SYNE1: variants seen among roughly 807,000 people sequenced by gnomAD.
The protein encoded by SYNE1 is nesprin-1.
In SYNE1, 616 loss-of-function variants were observed where a neutral mutation model predicts 1,111.0. The ratio of observed to expected loss-of-function variants is 0.55; its 90% CI spans 0.52 to 0.59. The LOEUF is 0.59. Among genes scored for constraint, SYNE1 ranks in the 20% least tolerant of loss-of-function variants. SYNE1 has a pLI of 0.00. For missense variants in SYNE1, 10,006 were observed against 10,417.0 expected (o/e 0.96, Z 1.72); for synonymous variants, 3,855 against 3,825.8 (o/e 1.01, Z -0.28).
At chr6:152,449,446 G>T (rs2098628772) in intron 28 of SYNE1, 87 bp downstream of exon 28, 3 of 1,037,104 alleles carry the variant, frequency 2.9e-6, no homozygotes, top group South Asian at 2.7e-5. Flanking sequence ...TTTCCAGAAA[G>T]AAAAAAGCAG....
intron 12 of SYNE1, among the ~76,000 whole-genome samples, chr6:152,486,474 T>C (rs894249611): frequency 1.3e-5 from 2 of 152,246 alleles, no homozygotes; most frequent in African/African-American, 4.8e-5. Context: ...TCTGTTTTCC[T>C]AAGCCTTTGT....
Position 152,143,769 on chromosome 6 carries a change from C to T in SYNE1, c.24977-4G>A, listed in dbSNP as rs761110774. The T allele has an allele frequency of 2.8e-5, 45 of 1,614,034 alleles. No homozygotes were observed. Among genetic ancestry groups the T allele is most frequent in the South Asian group, 3.3e-5 (3 of 91,076 alleles). Reference sequence around the variant, plus strand: ...GACTCTAGGGCACTGTGGTCCCCTGCGGTGGCAACCATAAGAATCTTTACT... The same window carrying T: ...GACTCTAGGGCACTGTGGTCCCCTGTGGTGGCAACCATAAGAATCTTTACT... On this transcript the variant is annotated splice_polypyrimidine_tract_variant and splice_region_variant and intron_variant, in intron 137 of 145. Transcript: ENST00000367255.
In SYNE1 at chr6:152,236,295, T is replaced by G. The variant is rs1020385567; in HGVS notation, c.20208A>C (p.Lys6736Asn). The part of the protein sequence containing the change: ...IDRITLYQHL[K>N]SSLNEYQPKL... ...TGGGCTGGTATTCATTAAGGCTAGA[T>G]TTTAAATGCTAAAATATTGAAATTA... The change falls in exon 110 of 146, where the codon AAA becomes AAC. Residue 6736 changes from lysine (K) to asparagine (N), a missense_variant. By Grantham distance (94) the Lys-to-Asn change is moderately conservative (BLOSUM62 0). Around this residue, in one of 7 missense-constraint regions of SYNE1, gnomAD observed 2,182 missense variants for 2,287.8 expected, o/e 0.95. Transcript: ENST00000367255. The G allele has an allele frequency of 6.8e-6, 11 of 1,610,636 alleles. No homozygotes were observed. In the African/African-American group the frequency reaches 1.5e-4, roughly 22 times the overall value.
intron 95 of SYNE1, among the ~76,000 whole-genome samples, chr6:152,284,532 C>T (rs1186476239): frequency 2.0e-5 from 3 of 151,220 alleles, no homozygotes; most frequent in Admixed American, 6.6e-5. Context: ...GATCACAGCT[C>T]ACTGTAATCT....
At position 152,628,291 on chromosome 6, in the gene SYNE1, A is replaced by T. The variant is rs202235488; in HGVS notation, c.41T>A (p.Ile14Asn). Residue 14 changes from isoleucine (I) to asparagine (N), a missense_variant, in exon 3 of 146, where the codon ATC becomes AAC. By Grantham distance (149) the Ile-to-Asn change is moderately radical. Around this residue, in one of 7 missense-constraint regions of SYNE1, gnomAD observed 1,971 missense variants for 2,084.1 expected, o/e 0.95. Transcript: ENST00000367255. ...TTGCAGCCTCTGCATCACATTGGCGATATCCCGAGGACACCGGGAGGCCCC... is the reference window on the plus strand; with the variant it reads ...TTGCAGCCTCTGCATCACATTGGCGTTATCCCGAGGACACCGGGAGGCCCC... The part of the protein sequence containing the change: ...SRGASRCPRD[I>N]ANVMQRLQDE... 31 of 1,614,074 alleles carry T rather than the reference A, an allele frequency of 1.9e-5. No homozygotes were observed. Among genetic ancestry groups the T allele is most frequent in the Non-Finnish European group, 6.8e-6 (8 of 1,180,054 alleles).
intron 82 of SYNE1, among the ~76,000 whole-genome samples, chr6:152,322,593 C>G (rs184551461): frequency 1.3e-5 from 2 of 152,310 alleles, no homozygotes; most frequent in East Asian, 3.9e-4. Context: ...ATCCCTGTCA[C>G]CCCAGATGGC....
chr6:152,263,028 AG>A (rs2092243714), intron 100 of SYNE1, among the ~76,000 whole-genome samples: 1 of 151,542 alleles, frequency 6.6e-6, no homozygotes, highest in Non-Finnish European at 1.5e-5. Context: ...AAGATAGTAC[AG>A]GGCCTGGGAA....
chr6:152,260,571 G>A (rs1334801218), intron 101 of SYNE1, among the ~76,000 whole-genome samples: 1 of 152,060 alleles, frequency 6.6e-6, no homozygotes, highest in Admixed American at 6.6e-5. Flanking sequence ...ACAAAAGCAT[G>A]TGCTTTTATA....
At position 152,409,127 on chromosome 6, in the gene SYNE1, T is replaced by C; in HGVS notation, c.6481A>G (p.Ser2161Gly). Residue 2161 changes from serine to glycine, a missense_variant, in exon 44 of 146, where the codon AGT becomes GGT. Ser to Gly is a moderately conservative substitution (Grantham distance 56, BLOSUM62 0). Transcript: ENST00000367255. ...HLLSELKKIH[S>G]SDFSLVKTDM... ...GTTTTCACCAAGCTGAAATCACTAC[T>C]GTGAATTTTCTTCAGCTCAGATAAC... 2.5e-6 allele frequency: 4 copies of C among 1,614,186 alleles called. No homozygotes were observed. Among genetic ancestry groups the C allele is most frequent in the East Asian group, 2.2e-5 (1 of 44,884 alleles).
intron 3 of SYNE1, among the ~76,000 whole-genome samples, chr6:152,621,006 G>A (rs995477369): frequency 1.3e-5 from 2 of 152,186 alleles, no homozygotes; most frequent in African/African-American, 4.8e-5. Flanking sequence ...GGAAGGAGAG[G>A]AAATTTCTGA....
intron 11 of SYNE1, among the ~76,000 whole-genome samples, chr6:152,491,473 T>G (rs1211028239): frequency 2.6e-5 from 4 of 152,280 alleles, no homozygotes; most frequent in Non-Finnish European, 5.9e-5. Flanking sequence ...TTCTTCTCCC[T>G]TAGCCTGTGT....
rs2098557881 is a variant in SYNE1 at position 152,444,432 on chromosome 6, C to T, written c.3816G>A (p.Gln1272=). 1 of 1,613,900 alleles carries T rather than the reference C, an allele frequency of 6.2e-7. No homozygotes were observed. Among genetic ancestry groups the T allele is most frequent in the African/African-American group, 1.3e-5 (1 of 75,024 alleles). ...TTACCTGGTGATGAAGAAGTAACTG[C>T]TGTGCTTCAAACAGATTTTCAGTAT... ...ILDTENLFEA[Q]QLLLHHQQKT... The change falls in exon 30 of 146, where the codon CAG becomes CAA. Residue 1272 remains glutamine, a synonymous_variant. Transcript: ENST00000367255.
intron 3 of SYNE1, among the ~76,000 whole-genome samples, chr6:152,625,230 G>A (rs189693609): frequency 6.6e-6 from 1 of 152,236 alleles, no homozygotes; most frequent in African/African-American, 2.4e-5. Context: ...AGGTAAGCAG[G>A]GTTACTAAAT....
At chr6:152,508,595 C>T (rs1406614639) in intron 8 of SYNE1, among the ~76,000 whole-genome samples, 4 of 152,174 alleles carry the variant, frequency 2.6e-5, no homozygotes, top group African/African-American at 4.8e-5. Flanking sequence ...CAGAATATCA[C>T]CTTGACATTA....
chr6:152,132,428 T>C (rs2055998364), intron 143 of SYNE1, among the ~76,000 whole-genome samples: 3 of 152,202 alleles, frequency 2.0e-5, no homozygotes, highest in African/African-American at 7.2e-5. Context: ...CGTTTGGCCG[T>C]TCTGGAAAAT....
chr6:152,360,394 C>T (rs1388028909), intron 64 of SYNE1, among the ~76,000 whole-genome samples: 1 of 152,150 alleles, frequency 6.6e-6, no homozygotes, highest in Non-Finnish European at 1.5e-5. Flanking sequence ...GGTTCCTCAA[C>T]TCCTCCCCAG....
At chr6:152,623,087 C>A (rs1261912787) in intron 3 of SYNE1, among the ~76,000 whole-genome samples, 1 of 151,964 alleles carries the variant, frequency 6.6e-6, no homozygotes, top group Non-Finnish European at 1.5e-5. Flanking sequence ...TCATGCTACC[C>A]AACTTCAAAC....
intron 131 of SYNE1, among the ~76,000 whole-genome samples, chr6:152,163,818 G>A (rs1413629430): frequency 6.6e-6 from 1 of 152,156 alleles, no homozygotes; most frequent in Admixed American, 6.5e-5. Context: ...GTGTATGGTA[G>A]TGGGCTAGGG....
intron 130 of SYNE1, among the ~76,000 whole-genome samples, chr6:152,164,790 T>C (rs2063276725): frequency 6.6e-6 from 1 of 152,206 alleles, no homozygotes; most frequent in South Asian, 2.1e-4. Context: ...ATTTAAAAAT[T>C]GCTGCTACCT....
Sources: allele counts gnomAD v4.1 joint callset (sites outside exome capture counted in the v4.1 genomes callset), GRCh38; gene constraint gnomAD v4.1.1; regional missense constraint gnomAD v4.1.1; transcripts MANE v1.5; gene names NCBI Gene and HGNC (gene_info 2026-07-23, HGNC 2026-07-21).